Variants in ASCC2 observed in about 807,000 individuals in gnomAD.
ASCC2 encodes the protein activating signal cointegrator 1 complex subunit 2, also known as ASC-1 complex subunit P100.
Under a neutral mutation model 93.5 loss-of-function variants are expected in ASCC2, and 42 were observed. That is an observed-to-expected ratio of 0.45 (90% CI 0.35 to 0.58). The LOEUF (loss-of-function observed/expected upper bound fraction) is 0.58. Among genes scored for constraint, ASCC2 ranks in the 20% least tolerant of loss-of-function variants. The probability of loss-of-function intolerance (pLI) is 0.00; values close to 1 mark genes in which losing one functional copy is unlikely to be tolerated. For missense variants in ASCC2, 859 were observed against 977.6 expected (o/e 0.88, Z 1.62); for synonymous variants, 364 against 384.2 (o/e 0.95, Z 0.62).
intron 8 of ASCC2, among the ~76,000 whole-genome samples, chr22:29,811,012 T>C (rs1183600331): frequency 1.3e-5 from 2 of 152,166 alleles, no homozygotes; most frequent in African/African-American, 4.8e-5. Flanking sequence ...ATTACAGCCA[T>C]GAGCCACTGC....
chr22:29,827,740 A>T, intron 2 of ASCC2: 1 of 397,828 alleles, frequency 2.5e-6, no homozygotes, highest in Non-Finnish European at 5.2e-6. Flanking sequence ...CACTCAGGCC[A>T]GGCTACTCAT....
In ASCC2 at chr22:29,830,101, A is replaced by C. The variant is rs377176468; in HGVS notation, c.81+2144T>G. ...TCTCCCTCAACTCATCTGCCTTCCC[A>C]CCATACCCCCAATTTAGTGCTGCTG... On this transcript the variant is annotated intron_variant, in intron 2 of 19. Coordinates refer to ENST00000307790, the MANE Select transcript of ASCC2 (RefSeq NM_032204.5). 2.6e-3 allele frequency among the ~76,000 whole-genome samples: 401 copies of C among 152,106 alleles called. 1 individual carries two copies. Among genetic ancestry groups the C allele is most frequent in the African/African-American group, 9.3e-3 (384 of 41,490 alleles).
intron 1 of ASCC2, chr22:29,834,379 A>G: frequency 5.0e-6 from 2 of 403,830 alleles, no homozygotes; most frequent in South Asian, 1.8e-5. Context: ...AAGGAGGTGG[A>G]AACAGCCTGG....
chr22:29,814,603 GC>G, intron 7 of ASCC2, 53 bp downstream of exon 7: 1 of 1,451,000 alleles, frequency 6.9e-7, no homozygotes, highest in Non-Finnish European at 9.4e-7. Flanking sequence ...GGGTAGCTAG[GC>G]CCTGGTTGGA....
chr22:29,801,882 G>T, intron 14 of ASCC2, 112 bp downstream of exon 14: 2 of 930,430 alleles, frequency 2.1e-6, no homozygotes. Flanking sequence ...AAATGGCTGG[G>T]AAGAGAGAAC....
At chr22:29,830,875 G>C (rs543248453) in intron 2 of ASCC2, among the ~76,000 whole-genome samples, 1 of 152,170 alleles carries the variant, frequency 6.6e-6, no homozygotes, top group Non-Finnish European at 1.5e-5. Flanking sequence ...CCAGGCCATC[G>C]CTCTCACAAT....
At chr22:29,815,148 TTAGCTGGGCAAGATGGTGTG>T (rs2060691607) in intron 6 of ASCC2, 2 of 224,394 alleles carry the variant, frequency 8.9e-6, no homozygotes, top group Non-Finnish European at 1.8e-5. Context: ...TTTTTTTAAA[TTAGCTGGGCAAGATGGTGTG>T]TACCTGTAAT....
Position 29,825,562 on chromosome 22 carries a change from G to A in ASCC2, c.240+60C>T. 6.2e-7 allele frequency: 1 copy of A among 1,610,368 alleles called. No individual in the cohort carries two copies. The highest frequency in any genetic ancestry group is 8.5e-7 in the Non-Finnish European group (1 of 1,176,816). On this transcript the variant is annotated intron_variant, in intron 3 of 19. Transcript: ENST00000307790. The surrounding 1 kb of genome is among the most constrained non-coding windows in gnomAD (Gnocchi z 4.9). ...TCCTAGGGGAAGAAAAACAACAACA[G>A]CAACCAACCAATGGCATGTCATGTG...
chr22:29,829,623 C>T (rs927527453), intron 2 of ASCC2, among the ~76,000 whole-genome samples: 6 of 151,320 alleles, frequency 4.0e-5, no homozygotes, highest in Admixed American at 1.3e-4. Flanking sequence ...CACTTGAACC[C>T]GGGAGGCGGA....
rs1355357732 is a variant in ASCC2 at position 29,790,633 on chromosome 22, T to C, written c.2023-85A>G. ...CGATGAGGCCCTGCTCAAGTGAAGC[T>C]TGTCGATGCCTCCATGCCAGGTGTG... is the stretch of plus-strand genomic sequence containing the variant. On this transcript the variant is annotated intron_variant, in intron 18 of 19. Coordinates refer to ENST00000307790, the MANE Select transcript of ASCC2 (RefSeq NM_032204.5). 8 of 1,375,924 alleles carry C rather than the reference T, an allele frequency of 5.8e-6. No individual in the cohort carries two copies. In the Admixed American group the frequency reaches 1.4e-4, roughly 24 times the overall value. 85.2% of individuals were successfully genotyped at this position (1,375,924 alleles called of 1,614,324 possible).
At chr22:29,801,378 C>T (rs556211982) in intron 14 of ASCC2, among the ~76,000 whole-genome samples, 1 of 152,330 alleles carries the variant, frequency 6.6e-6, no homozygotes, top group Non-Finnish European at 1.5e-5. Flanking sequence ...CTTAAAAGCG[C>T]TATCCCACAT....
Position 29,806,307 on chromosome 22 carries a change from G to A in ASCC2, c.1086-17C>T, listed in dbSNP as rs752554403. ...CGGAGGAACCTGCAGGCAGATGAGA[G>A]CAGATGGGATGGACAGAGCTGGGGC... On this transcript the variant is annotated splice_polypyrimidine_tract_variant and intron_variant, in intron 11 of 19. Coordinates refer to ENST00000307790, the MANE Select transcript of ASCC2 (RefSeq NM_032204.5). 2.5e-6 allele frequency: 4 copies of A among 1,613,500 alleles called. No homozygotes were observed. The highest frequency in any genetic ancestry group is 2.2e-5 in the South Asian group (2 of 91,068).
intron 19 of ASCC2, 31 bp downstream of exon 19, chr22:29,790,438 T>TC: frequency 6.2e-6 from 10 of 1,611,292 alleles, no homozygotes; most frequent in Non-Finnish European, 8.5e-6. Context: ...GTGGGAGGGG[T>TC]CCCCCCAGAA....
chr22:29,800,325 C>T (rs1220262366), intron 15 of ASCC2, among the ~76,000 whole-genome samples: 1 of 152,184 alleles, frequency 6.6e-6, no homozygotes, highest in Non-Finnish European at 1.5e-5. Flanking sequence ...GCACCTCCAG[C>T]TTGTAGTATT....
At position 29,788,768 on chromosome 22, in the gene ASCC2, T is replaced by C. The variant is rs1220615168; in HGVS notation, c.*245A>G. 19 of 536,290 alleles carry C rather than the reference T, an allele frequency of 3.5e-5. No individual in the cohort carries two copies. Among genetic ancestry groups the C allele is most frequent in the Non-Finnish European group, 6.3e-5 (19 of 299,602 alleles). 33.2% of individuals were successfully genotyped at this position (536,290 alleles called of 1,614,324 possible). ...CCCATCTCTTTCCCGCTAGCGCAGC[T>C]GGGGGAAGGTGCCTGCTTGCCGGCC... On this transcript the variant is annotated 3_prime_UTR_variant, in exon 20 of 20. Coordinates refer to ENST00000307790, the MANE Select transcript of ASCC2 (RefSeq NM_032204.5).
rs1387527223 is a variant in ASCC2, at chr22:29,808,194, G to A, written c.834-9C>T. Reference sequence around the variant, plus strand: ...CGTAGAAGGAAGCTAGTCTGTGCAGGCACACACAGGGAAAATGTTGGATTA... The same window carrying A: ...CGTAGAAGGAAGCTAGTCTGTGCAGACACACACAGGGAAAATGTTGGATTA... On this transcript the variant is annotated splice_polypyrimidine_tract_variant and intron_variant, in intron 8 of 19. Coordinates refer to ENST00000307790, the MANE Select transcript of ASCC2 (RefSeq NM_032204.5). 1.2e-6 allele frequency: 2 copies of A among 1,613,864 alleles called. No homozygotes were observed. The highest frequency in any genetic ancestry group is 8.5e-7 in the Non-Finnish European group (1 of 1,179,766).
At chr22:29,807,685 A>T (rs1485027384) in intron 9 of ASCC2, among the ~76,000 whole-genome samples, 5 of 152,006 alleles carry the variant, frequency 3.3e-5, no homozygotes. Flanking sequence ...ATATGCTAAG[A>T]GTTTAAAAAA....
At chr22:29,796,309 G>A (rs997654563) in intron 15 of ASCC2, among the ~76,000 whole-genome samples, 4 of 152,134 alleles carry the variant, frequency 2.6e-5, no homozygotes, top group African/African-American at 9.6e-5. Context: ...TCTTTATTAA[G>A]GACCTTCTCT....
chr22:29,831,160 T>A (rs2063098195), intron 2 of ASCC2, among the ~76,000 whole-genome samples: 1 of 152,214 alleles, frequency 6.6e-6, no homozygotes, highest in Non-Finnish European at 1.5e-5. Context: ...GACCACCTAT[T>A]GGGTGGCTAT....
Sources: gnomAD v4.1 joint callset for allele counts (sites outside exome capture counted in the v4.1 genomes callset) on GRCh38, gnomAD v4.1.1 for gene constraint, Gnocchi (gnomAD v3.1) non-coding constraint, MANE v1.5 for transcripts, NCBI Gene and HGNC (gene_info 2026-07-23, HGNC 2026-07-21) for gene names.